The following CUL4B variants were observed in gnomAD, a reference collection of about 807,000 sequenced individuals.
The protein encoded by CUL4B is cullin 4B.
A neutral mutation model predicts 69.2 loss-of-function variants in CUL4B; 1 was observed. The ratio of observed to expected loss-of-function variants is 0.01; its 90% CI spans 0.01 to 0.07. The LOEUF (loss-of-function observed/expected upper bound fraction) is 0.07, where lower values mean the gene tolerates loss of function less well. Ranked by LOEUF, CUL4B falls within the 10% of genes least tolerant of loss-of-function variation. The pLI, the probability that CUL4B is intolerant of heterozygous loss-of-function variation, is 1.00. For missense variants in CUL4B, 328 were observed against 638.8 expected, an observed-to-expected ratio of 0.51 and a Z score of 5.24; for synonymous variants, 237 against 223.2, an observed-to-expected ratio of 1.06 and a Z score of -0.55.
At chrX:120,555,941 CAA>C (rs752944156) in intron 2 of CUL4B, among the ~76,000 whole-genome samples, 20 of 41,948 alleles carry the variant, frequency 4.8e-4, no homozygotes, top group African/African-American at 1.4e-3. Context: ...GACTCCATCT[CAA>C]AAAAAAAAAA....
intron 11 of CUL4B, among the ~76,000 whole-genome samples, chrX:120,540,105 T>A (rs1923903004): frequency 8.9e-6 from 1 of 112,344 alleles, no homozygotes; most frequent in Admixed American, 9.4e-5. Context: ...ATCATTAGGC[T>A]AGGAAAACAG....
Position 120,535,859 on chromosome X carries a change from G to A in CUL4B, c.2131C>T (p.His711Tyr). 1.7e-6 allele frequency: 2 copies of A among 1,204,751 alleles called. No individual in the cohort carries two copies. The highest frequency in any genetic ancestry group is 2.2e-6 in the Non-Finnish European group (2 of 889,499). ...RKLQWQSTLG[H>Y]CVLKAEFKEG... The stretch of plus-strand genomic sequence containing the variant: ...TTAAATTCTGCTTTTAACACACAGT[G>A]TCCTAGGGTTGACTGCCACTGAAGT... The change falls in exon 16 of 20, where the codon CAC becomes TAC. Residue 711 changes from histidine (H) to tyrosine (Y), a missense_variant. By Grantham distance (83) the His-to-Tyr change is moderately conservative (BLOSUM62 2). Transcript: ENST00000371322.
chrX:120,574,430 C>T, intron 2 of CUL4B: 1 of 582,449 alleles, frequency 1.7e-6, no homozygotes, highest in South Asian at 2.3e-5. Flanking sequence ...GATCTCCTGA[C>T]CTCGTGATCT....
chrX:120,526,901 G>T, intron 19 of CUL4B, 45 bp from the exon 20 acceptor site: 1 of 824,899 alleles, frequency 1.2e-6, no homozygotes, highest in Non-Finnish European at 1.8e-6. Context: ...ATTATCATTG[G>T]CTCAAGCCCA....
chrX:120,560,794 C>G lies in CUL4B; in HGVS notation c.-156G>C. ...AGAAGGAAAGTGAAGGGGGGGGCTA[C>G]ACCGGGGGAATGGGAGGGTTTGGGA... is the stretch of plus-strand genomic sequence containing the variant. On this transcript the variant is annotated 5_prime_UTR_variant, in exon 1 of 20. Coordinates refer to ENST00000371322, the MANE Select transcript of CUL4B (RefSeq NM_001079872.2). The G allele has an allele frequency of 1.0e-6, 1 of 953,405 alleles. No homozygotes were observed. The highest frequency in any genetic ancestry group is 4.0e-5 in the South Asian group (1 of 24,975). The allele number at this position is 953,405 out of a possible 1,213,427, so 78.6% of individuals were successfully genotyped here. A position where few individuals can be genotyped will look rare whatever the true frequency, so the allele number is the denominator to read the frequency against.
intron 4 of CUL4B, among the ~76,000 whole-genome samples, chrX:120,546,244 G>C (rs1924313166): frequency 9.1e-6 from 1 of 110,159 alleles, no homozygotes; most frequent in South Asian, 3.8e-4. Flanking sequence ...GAGTGGGAGG[G>C]GGGCGAGGGA....
chrX:120,573,535 C>T (rs1925773294), intron 2 of CUL4B, among the ~76,000 whole-genome samples: 1 of 111,587 alleles, frequency 9.0e-6, no homozygotes, highest in Admixed American at 9.5e-5. Flanking sequence ...TCATATTTAC[C>T]CTTCAAAAAT....
chrX:120,563,920 A>G (rs1195088797), upstream of CUL4B, among the ~76,000 whole-genome samples: 4 of 112,584 alleles, frequency 3.6e-5, no homozygotes, highest in East Asian at 1.1e-3. Context: ...AGTCCTGTTA[A>G]TATTTAACTA....
upstream of CUL4B, chrX:120,561,325 C>T (rs1346522014): frequency 1.8e-6 from 1 of 559,793 alleles, no homozygotes; most frequent in African/African-American, 2.3e-5. Flanking sequence ...AACTCCCACT[C>T]CCTCCTTAAC....
intron 5 of CUL4B, among the ~76,000 whole-genome samples, 162 bp from the exon 6 acceptor site, chrX:120,544,805 T>G (rs1010993774): frequency 6.2e-5 from 7 of 112,363 alleles, no homozygotes; most frequent in African/African-American, 2.3e-4. Context: ...TGAATAACAT[T>G]ATTAGATTAA....
At position 120,560,143 on chromosome X, in the gene CUL4B, A is replaced by G. The variant is rs748328122; in HGVS notation, c.496T>C (p.Ser166Pro). ...CCAGGTTTGCTGTTAGCAAAGCTAG[A>G]GACGGTGGTAGAAGATTTGGCTAGG... Reference protein sequence around the residue: ...NGLAKSSTTVSSFANSKPGSA... With the variant: ...NGLAKSSTTVPSFANSKPGSA... Residue 166 changes from serine (S) to proline (P), a missense_variant, in exon 1 of 20, where the codon TCT becomes CCT. By Grantham distance (74) the Ser-to-Pro change is moderately conservative (BLOSUM62 -1). Coordinates refer to ENST00000371322, the MANE Select transcript of CUL4B (RefSeq NM_001079872.2). The G allele has an allele frequency of 8.3e-6, 10 of 1,211,947 alleles. No homozygotes were observed. Among genetic ancestry groups the G allele is most frequent in the Non-Finnish European group, 1.1e-5 (10 of 895,523 alleles).
upstream of CUL4B, among the ~76,000 whole-genome samples, chrX:120,562,899 A>T (rs1345691048): frequency 8.9e-6 from 1 of 112,123 alleles, no homozygotes; most frequent in African/African-American, 3.3e-5. Flanking sequence ...ACAATCCAGC[A>T]AGCAGAGCTT....
In CUL4B at chrX:120,541,496, T is replaced by C. The variant is rs1259445238; in HGVS notation, c.1443+106A>G. ...CCTGGGTGACGAGAGCAAAACTCTG[T>C]CTCAAAAAAAAAAAAATTGGATCAA... On this transcript the variant is annotated intron_variant, in intron 10 of 19. Transcript: ENST00000371322. The C allele has an allele frequency of 1.0e-5, 6 of 591,391 alleles. No individual in the cohort carries two copies. In the Admixed American group the frequency reaches 1.4e-4, roughly 14 times the overall value. The allele number at this position is 591,391 out of a possible 1,213,427, so 48.7% of individuals were successfully genotyped here.
At chrX:120,553,717 A>G (rs1013605430) in intron 2 of CUL4B, among the ~76,000 whole-genome samples, 10 of 111,589 alleles carry the variant, frequency 9.0e-5, no homozygotes, top group African/African-American at 3.3e-4. Context: ...CAGCCTGGGC[A>G]ACATAGCAAG....
Position 120,545,929 on chromosome X carries a change from C to T in CUL4B, c.847-412G>A, listed in dbSNP as rs761408490. Among the ~76,000 whole-genome samples the T allele has an allele frequency of 5.5e-5, 6 of 108,780 alleles. No homozygotes were observed. The South Asian group carries it at 2.0e-3, about 36-fold the overall frequency. The allele number at this position is 108,780 out of a possible 115,157, so 94.5% of individuals were successfully genotyped here. A position where few individuals can be genotyped will look rare whatever the true frequency, so the allele number is the denominator to read the frequency against. On this transcript the variant is annotated intron_variant, in intron 4 of 19. Coordinates refer to ENST00000371322, the MANE Select transcript of CUL4B (RefSeq NM_001079872.2). ...AATCTGTAGAATATAAGGTATAAAC[C>T]AGATTAAGAAAAATGGAAAAGGTTG...
At chrX:120,561,031 G>C (rs1292861964), upstream of CUL4B, 6 of 966,530 alleles carry the variant, frequency 6.2e-6, no homozygotes, top group East Asian at 9.8e-5. Flanking sequence ...TGGGGGAAAG[G>C]GGGAGGGGGA....
intron 2 of CUL4B, chrX:120,574,453 C>T: frequency 1.4e-6 from 1 of 700,106 alleles, no homozygotes; most frequent in Non-Finnish European, 2.3e-6. Context: ...TCGCCTCGGC[C>T]TCCCAAAGTG....
At chrX:120,538,097 G>A in intron 14 of CUL4B, 27 bp downstream of exon 14, 2 of 1,012,727 alleles carry the variant, frequency 2.0e-6, no homozygotes, top group Non-Finnish European at 2.8e-6. Flanking sequence ...CTAAGTTTGA[G>A]GAATTAAGAG....
downstream of CUL4B, among the ~76,000 whole-genome samples, chrX:120,569,612 G>C (rs1287148586): frequency 1.8e-5 from 2 of 111,329 alleles, no homozygotes; most frequent in Non-Finnish European, 3.8e-5. Context: ...CAACCGCCTC[G>C]GCCTCCCAAA....
Sources: allele counts gnomAD v4.1 joint callset (sites outside exome capture counted in the v4.1 genomes callset), GRCh38; gene constraint gnomAD v4.1.1; transcripts MANE v1.5; gene names NCBI Gene and HGNC (gene_info 2026-07-23, HGNC 2026-07-21).